Variants in WRN observed in about 807,000 individuals in gnomAD.
WRN encodes WRN RecQ like helicase.
A neutral mutation model predicts 180.7 loss-of-function variants in WRN; 149 were observed. That is an observed-to-expected ratio of 0.82 (90% CI 0.72 to 0.94). The LOEUF (loss-of-function observed/expected upper bound fraction) is 0.94, where lower values mean the gene tolerates loss of function less well. Among genes scored for constraint, WRN ranks in the 40% least tolerant of loss-of-function variants. The pLI, the probability that WRN is intolerant of heterozygous loss-of-function variation, is 0.00. For synonymous variants in WRN, 548 were observed against 568.9 expected (o/e 0.96, Z 0.52); for missense variants, 1,661 against 1,700.1 (o/e 0.98, Z 0.40).
chr8:31,124,701 T>C, intron 22 of WRN, 78 bp downstream of exon 22: 1 of 1,401,500 alleles, frequency 7.1e-7, no homozygotes, highest in Non-Finnish European at 1.0e-6. Flanking sequence ...GGCTAAATAA[T>C]TATCAGTATT....
At chr8:31,058,669 AC>A in intron 2 of WRN, 126 bp downstream of exon 2, 1 of 905,576 alleles carries the variant, frequency 1.1e-6, no homozygotes, top group Non-Finnish European at 1.7e-6. Flanking sequence ...GTCTAAATGC[AC>A]CAGGACCTAG....
chr8:31,081,029 A>C lies in WRN; in HGVS notation c.1002A>C (p.Arg334Ser). Residue 334 changes from arginine (R) to serine (S), a missense_variant, in exon 9 of 35, where the codon AGA becomes AGC. Around this residue, in one of 3 missense-constraint regions of WRN, gnomAD observed 500 missense variants for 504.1 expected, o/e 0.99. Coordinates refer to ENST00000298139, the MANE Select transcript of WRN (RefSeq NM_000553.6). Reference protein sequence around the residue: ...TTGGVQQKQIREHEVLIHVED... With the variant: ...TTGGVQQKQISEHEVLIHVED... ...GGGGAGTACAACAGAAACAAATTAG[A>C]GAACATGAAGTTTTAATTCACGTTG... 1 of 1,614,062 alleles carries C rather than the reference A, an allele frequency of 6.2e-7. No individual in the cohort carries two copies. The highest frequency in any genetic ancestry group is 8.5e-7 in the Non-Finnish European group (1 of 1,179,974).
intron 9 of WRN, among the ~76,000 whole-genome samples, chr8:31,082,750 C>T (rs1026748337): frequency 6.6e-5 from 10 of 151,968 alleles, no homozygotes; most frequent in African/African-American, 2.2e-4. Context: ...GTGCCCGCCA[C>T]CACACCCGGC....
At chr8:31,119,708 A>G (rs981132692) in intron 20 of WRN, among the ~76,000 whole-genome samples, 21 of 151,840 alleles carry the variant, frequency 1.4e-4, no homozygotes, top group African/African-American at 5.1e-4. Flanking sequence ...AAAATTTTCT[A>G]TGTCTTATCA....
chr8:31,064,210 A>C, intron 3 of WRN, 79 bp from the exon 4 acceptor site: 2 of 1,564,450 alleles, frequency 1.3e-6, no homozygotes, highest in Non-Finnish European at 1.8e-6. Context: ...TTGCCTTTTA[A>C]TTTTTGAATT....
At chr8:31,159,379 G>C (rs575138522) in intron 33 of WRN, among the ~76,000 whole-genome samples, 41 of 151,964 alleles carry the variant, frequency 2.7e-4, no homozygotes, top group African/African-American at 9.6e-4. Flanking sequence ...GGTTGAAAAG[G>C]TGGGAAGGGA....
intron 16 of WRN, among the ~76,000 whole-genome samples, chr8:31,092,388 A>G (rs1251113622): frequency 6.6e-6 from 1 of 151,652 alleles, no homozygotes; most frequent in East Asian, 1.9e-4. Flanking sequence ...TTCTATCATG[A>G]TGTAATTCCT....
chr8:31,036,112 G>A (rs929603366), intron 1 of WRN, among the ~76,000 whole-genome samples: 2 of 152,160 alleles, frequency 1.3e-5, no homozygotes, highest in African/African-American at 2.4e-5. Context: ...GAGAACATGC[G>A]ATATTTGTCT....
intron 18 of WRN, among the ~76,000 whole-genome samples, chr8:31,105,053 G>A (rs1219153581): frequency 6.6e-6 from 1 of 151,902 alleles, no homozygotes; most frequent in Non-Finnish European, 1.5e-5. Flanking sequence ...CTCAAAAATA[G>A]TATCTTTTGT....
chr8:31,112,854 C>G (rs1036719969), intron 19 of WRN, among the ~76,000 whole-genome samples: 4 of 152,130 alleles, frequency 2.6e-5, no homozygotes, highest in Non-Finnish European at 4.4e-5. Flanking sequence ...TTCCAAAGTG[C>G]TGGAATTACA....
chr8:31,072,004 AG>A (rs1812931411), intron 7 of WRN, among the ~76,000 whole-genome samples: 1 of 152,220 alleles, frequency 6.6e-6, no homozygotes, highest in Non-Finnish European at 1.5e-5. Flanking sequence ...GAGACCTGTA[AG>A]ACAGCAAAGT....
At chr8:31,074,215 G>A (rs1332119627) in intron 7 of WRN, among the ~76,000 whole-genome samples, 9 of 151,710 alleles carry the variant, frequency 5.9e-5, no homozygotes, top group African/African-American at 1.9e-4. Flanking sequence ...GTGAGCCACC[G>A]CGCCCGGCCC....
intron 3 of WRN, among the ~76,000 whole-genome samples, chr8:31,061,884 C>T (rs1420916832): frequency 6.6e-6 from 1 of 152,138 alleles, no homozygotes; most frequent in African/African-American, 2.4e-5. Flanking sequence ...TTAGTCTATG[C>T]ATGCTTGTCT....
intron 8 of WRN, 102 bp from the exon 9 acceptor site, chr8:31,080,765 A>T: frequency 2.1e-6 from 2 of 945,800 alleles, no homozygotes; most frequent in Non-Finnish European, 3.1e-6. Flanking sequence ...CTTTTAAGTG[A>T]AGGTCAGCTT....
At chr8:31,100,786 G>C (rs1814190656) in intron 17 of WRN, 63 bp from the exon 18 acceptor site, 2 of 1,347,258 alleles carry the variant, frequency 1.5e-6, no homozygotes, top group African/African-American at 2.9e-5. Context: ...TGGAGATGTA[G>C]ATGAGTTTAT....
At chr8:31,159,646 A>T (rs895355260) in intron 33 of WRN, among the ~76,000 whole-genome samples, 2 of 150,888 alleles carry the variant, frequency 1.3e-5, no homozygotes, top group Admixed American at 6.7e-5. Flanking sequence ...TATCTATTAA[A>T]AAAAGGTGTT....
chr8:31,103,427 C>T (rs1800958587), intron 18 of WRN, among the ~76,000 whole-genome samples: 1 of 152,194 alleles, frequency 6.6e-6, no homozygotes, highest in Non-Finnish European at 1.5e-5. Context: ...GTGAGCAGTG[C>T]CTTGTGCTAA....
chr8:31,077,264 C>T (rs1482810103), intron 8 of WRN, among the ~76,000 whole-genome samples: 3 of 151,798 alleles, frequency 2.0e-5, no homozygotes, highest in South Asian at 2.1e-4. Context: ...TTTTTTGAGA[C>T]GAGTCTCGCT....
chr8:31,090,333 AG>A lies in WRN; in HGVS notation c.1653-130del, dbSNP rs139550831. The A allele has an allele frequency of 5.2e-3, 4,302 of 823,472 alleles. 120 individuals carry two copies. In the African/African-American group the frequency reaches 0.065, roughly 12 times the overall value. The allele number at this position is 823,472 out of a possible 1,614,324, so 51.0% of individuals were successfully genotyped here. On this transcript the variant is annotated intron_variant, in intron 13 of 34. Coordinates refer to ENST00000298139, the MANE Select transcript of WRN (RefSeq NM_000553.6). ...ATGGCATTGTTTGTTTTAAAGTTCC[AG>A]GTTTGTGCATTTATGTATGAAGTTT...
Sources: gnomAD v4.1 joint callset for allele counts (sites outside exome capture counted in the v4.1 genomes callset) on GRCh38, gnomAD v4.1.1 for gene constraint, gnomAD v4.1.1 regional missense constraint, MANE v1.5 for transcripts, NCBI Gene and HGNC (gene_info 2026-07-23, HGNC 2026-07-21) for gene names.